Variants in HS1BP3 observed in about 807,000 individuals in gnomAD.
The protein encoded by HS1BP3 is HCLS1 binding protein 3.
A neutral mutation model predicts 33.5 loss-of-function variants in HS1BP3; 32 were observed. The ratio of observed to expected loss-of-function variants is 0.95; its 90% CI spans 0.72 to 1.28. HS1BP3 has a LOEUF of 1.28. Among genes scored for constraint, HS1BP3 ranks in the 50% most tolerant of loss-of-function variants. HS1BP3 has a pLI of 0.00. For synonymous variants in HS1BP3, 187 were observed against 209.2 expected (o/e 0.89, Z 0.92); for missense variants, 486 against 502.3 (o/e 0.97, Z 0.31).
At chr2:20,642,679 C>G (rs1477841740) in intron 2 of HS1BP3, among the ~76,000 whole-genome samples, 1 of 152,228 alleles carries the variant, frequency 6.6e-6, no homozygotes, top group African/African-American at 2.4e-5. Context: ...TACTCCGGAG[C>G]TGTAGGCCTG....
intron 5 of HS1BP3, among the ~76,000 whole-genome samples, chr2:20,572,656 C>T (rs943907881): frequency 2.0e-5 from 3 of 152,174 alleles, no homozygotes; most frequent in East Asian, 1.9e-4. Context: ...AAAAGTACCT[C>T]GAACATGGAA....
intron 3 of HS1BP3, chr2:20,640,543 G>C: frequency 1.4e-5 from 6 of 429,958 alleles, no homozygotes; most frequent in South Asian, 8.1e-5. Flanking sequence ...GTCCCCAGGG[G>C]CAGGTCACCA....
At chr2:20,602,799 C>A (rs996719422) in intron 2 of HS1BP3, among the ~76,000 whole-genome samples, 23 of 152,136 alleles carry the variant, frequency 1.5e-4, no homozygotes, top group Admixed American at 1.4e-3. Flanking sequence ...ATACAGCCCA[C>A]AGAATGGGAG....
At chr2:20,628,952 T>C (rs1694881143) in intron 4 of HS1BP3, among the ~76,000 whole-genome samples, 1 of 152,162 alleles carries the variant, frequency 6.6e-6, no homozygotes, top group South Asian at 2.1e-4. Flanking sequence ...AGTCAGTTCT[T>C]TCCAGGGAAG....
intron 5 of HS1BP3, among the ~76,000 whole-genome samples, chr2:20,584,900 C>A (rs1693643121): frequency 6.6e-6 from 1 of 152,104 alleles, no homozygotes; most frequent in Non-Finnish European, 1.5e-5. Flanking sequence ...CACAGAGGAG[C>A]AAATGAAGGG....
At chr2:20,589,791 C>CAGACTCCTCACAGCTGGTGGAGGG (rs1693767668), downstream of HS1BP3, among the ~76,000 whole-genome samples, 1 of 152,044 alleles carries the variant, frequency 6.6e-6, no homozygotes, top group East Asian at 1.9e-4. Context: ...CTATAGGACC[C>CAGACTCCTCACAGCTGGTGGAGGG]AGACTCCTCA....
At chr2:20,571,337 C>T (rs1040069020) in intron 5 of HS1BP3, among the ~76,000 whole-genome samples, 1 of 152,166 alleles carries the variant, frequency 6.6e-6, no homozygotes, top group African/African-American at 2.4e-5. Context: ...GCAGAGGCCC[C>T]TCCCTCACAG....
intron 1 of HS1BP3, 50 bp downstream of exon 1, chr2:20,650,982 G>T (rs1695677317): frequency 2.4e-6 from 3 of 1,228,466 alleles, no homozygotes; most frequent in African/African-American, 3.1e-5. Flanking sequence ...CTCCGCCCGG[G>T]CGCCCCGGAC....
rs368653209 is a variant in HS1BP3, at chr2:20,640,483, C to T, written c.406+490G>A. On this transcript the variant is annotated intron_variant, in intron 3 of 6. Coordinates refer to ENST00000304031, the MANE Select transcript of HS1BP3 (RefSeq NM_022460.4). ...GGGGTGCTGGATCAATTCCTCAGCC[C>T]GGAGCTGTCCCCATGACCCTCTCTG... 25 of 325,678 alleles carry T rather than the reference C, an allele frequency of 7.7e-5. No individual in the cohort carries two copies. The East Asian group carries it at 7.7e-4, about 10-fold the overall frequency. The allele number at this position is 325,678 out of a possible 1,614,324, so 20.2% of individuals were successfully genotyped here.
chr2:20,636,401 C>T (rs1695132048), intron 4 of HS1BP3: 1 of 152,308 alleles, frequency 6.6e-6, no homozygotes, highest in Non-Finnish European at 1.5e-5. Context: ...ACCTCCCAGG[C>T]TGATAAAGAC....
At chr2:20,622,464 G>A (rs928329888) in intron 6 of HS1BP3, 2 of 450,540 alleles carry the variant, frequency 4.4e-6, no homozygotes, top group Non-Finnish European at 8.2e-6. Flanking sequence ...AGAGTGGGGG[G>A]CCCAGGGATG....
intron 2 of HS1BP3, among the ~76,000 whole-genome samples, chr2:20,603,075 A>G (rs1186606557): frequency 6.6e-6 from 1 of 152,210 alleles, no homozygotes; most frequent in East Asian, 1.9e-4. Context: ...GACAGATATT[A>G]ACAATTGTTA....
At position 20,567,381 on chromosome 2, in the gene HS1BP3, C is replaced by G. The variant is rs113898337; in HGVS notation, c.303-6866G>C. The stretch of plus-strand genomic sequence containing the variant: ...TCCTACTGGGCTGCCTGAGGCCAGG[C>G]CAGTCAGACGCTGGGGAATCAAGGG... On this transcript the variant is annotated intron_variant, in intron 5 of 5. Coordinates refer to the HS1BP3 transcript ENST00000446825. Among the ~76,000 whole-genome samples the G allele has an allele frequency of 4.0e-3, 610 of 152,310 alleles. 5 individuals carry two copies. The highest frequency in any genetic ancestry group is 7.4e-3 in the Non-Finnish European group (505 of 68,034).
chr2:20,599,648 A>ACACT lies in HS1BP3; in HGVS notation c.179-1384_179-1383insAGTG, dbSNP rs1553317651. On this transcript the variant is annotated intron_variant, in intron 2 of 3. Coordinates refer to the HS1BP3 transcript ENST00000415264. ...CACACACACACACACACACACACACACTCTGTTTTTTTTTTTTTAAAGATC... is the reference window on the plus strand; with the variant it reads ...CACACACACACACACACACACACACACACTCTCTGTTTTTTTTTTTTTAAAGATC... 9.1e-5 allele frequency among the ~76,000 whole-genome samples: 12 copies of ACACT among 132,062 alleles called. No individual in the cohort carries two copies. The East Asian group carries it at 2.7e-3, about 30-fold the overall frequency. The allele number at this position is 132,062 out of a possible 152,430, so 86.6% of individuals were successfully genotyped here.
chr2:20,555,893 C>A (rs890864491), downstream of HS1BP3, among the ~76,000 whole-genome samples: 1 of 152,230 alleles, frequency 6.6e-6, no homozygotes, highest in East Asian at 1.9e-4. Flanking sequence ...CCCCACTTCA[C>A]CTCTGCATAC....
In HS1BP3 at chr2:20,640,960, G is replaced by GA. The variant is rs1242196524; in HGVS notation, c.406+12dup. The stretch of plus-strand genomic sequence containing the variant: ...GGGGAGACCTGAGGGACATGGGGCA[G>GA]AGCCTTGGGTACCTAAGAACTCTAG... On this transcript the variant is annotated intron_variant, in intron 3 of 6. Transcript: ENST00000304031. 2 of 1,613,804 alleles carry GA rather than the reference G, an allele frequency of 1.2e-6. No individual in the cohort carries two copies. Among genetic ancestry groups the GA allele is most frequent in the Non-Finnish European group, 1.7e-6 (2 of 1,179,694 alleles).
At chr2:20,582,843 T>C (rs1693566949) in intron 5 of HS1BP3, among the ~76,000 whole-genome samples, 1 of 152,154 alleles carries the variant, frequency 6.6e-6, no homozygotes, top group Non-Finnish European at 1.5e-5. Flanking sequence ...GGGTCTCCTC[T>C]TCCCTGAGGG....
At chr2:20,576,012 A>G (rs1693391210) in intron 5 of HS1BP3, among the ~76,000 whole-genome samples, 1 of 151,058 alleles carries the variant, frequency 6.6e-6, no homozygotes, top group Admixed American at 6.6e-5. Context: ...GTTTTTTGAG[A>G]CAGGGTCTTG....
chr2:20,621,210 TGTGA>T (rs1362020556), intron 6 of HS1BP3, among the ~76,000 whole-genome samples: 2 of 152,312 alleles, frequency 1.3e-5, no homozygotes, highest in East Asian at 1.9e-4. Context: ...AGAGAGCCTG[TGTGA>T]GTATGGAGGT....
Sources: allele counts gnomAD v4.1 joint callset (sites outside exome capture counted in the v4.1 genomes callset), GRCh38; gene constraint gnomAD v4.1.1; transcripts MANE v1.5; gene names NCBI Gene and HGNC (gene_info 2026-07-23, HGNC 2026-07-21).